Variants in AP3B2 observed in about 807,000 individuals in gnomAD.
The protein encoded by AP3B2 is AP-3 complex subunit beta-2.
In AP3B2, 50 loss-of-function variants were observed where a neutral mutation model predicts 126.9. The observed-to-expected ratio is 0.39, with a 90% CI of 0.31 to 0.50. The LOEUF (loss-of-function observed/expected upper bound fraction) is 0.50. Among genes scored for constraint, AP3B2 ranks in the 20% least tolerant of loss-of-function variants. AP3B2 has a pLI of 0.79. For synonymous variants in AP3B2, 541 were observed against 565.0 expected (o/e 0.96, Z 0.60); for missense variants, 1,177 against 1,426.4 (o/e 0.83, Z 2.82).
chr15:82,697,569 C>G (rs1352506586), intron 1 of AP3B2, among the ~76,000 whole-genome samples: 11 of 152,138 alleles, frequency 7.2e-5, no homozygotes, highest in Admixed American at 6.5e-4. Flanking sequence ...TGCAGAAATG[C>G]GTGAGTACCT....
At chr15:82,679,307 TGAGAC>T (rs1451202980) in intron 10 of AP3B2, among the ~76,000 whole-genome samples, 2 of 152,108 alleles carry the variant, frequency 1.3e-5, no homozygotes, top group Admixed American at 1.3e-4. Context: ...TATTTTTCGT[TGAGAC>T]GAGGTTTTGC....
At chr15:82,685,703 TG>T (rs1342313224) in intron 4 of AP3B2, 1 of 152,202 alleles carries the variant, frequency 6.6e-6, no homozygotes, top group Non-Finnish European at 1.5e-5. Context: ...TCCTTTTTGA[TG>T]GGGTAACTAG....
chr15:82,668,388 G>T (rs2048093549), intron 14 of AP3B2, among the ~76,000 whole-genome samples: 1 of 152,144 alleles, frequency 6.6e-6, no homozygotes, highest in Non-Finnish European at 1.5e-5. Context: ...CCCCTCTCTT[G>T]GCCAGACACC....
chr15:82,688,735 C>G lies in AP3B2; in HGVS notation c.360+1G>C. ...CTGGGAGGCAAACTGAGACCCCTGA[C>G]CTTTAGGCCACGTTGGAAGGTGGAG... is the stretch of plus-strand genomic sequence containing the variant. On this transcript the variant is annotated splice_donor_variant, in intron 4 of 26. Coordinates refer to ENST00000535359, the MANE Select transcript of AP3B2 (RefSeq NM_001278512.2). LOFTEE classifies it high-confidence loss of function. 6.2e-7 allele frequency: 1 copy of G among 1,610,158 alleles called. No individual in the cohort carries two copies. The highest frequency in any genetic ancestry group is 8.5e-7 in the Non-Finnish European group (1 of 1,178,314).
intron 1 of AP3B2, among the ~76,000 whole-genome samples, 154 bp downstream of exon 1, chr15:82,709,440 G>A (rs1458444502): frequency 6.6e-6 from 1 of 150,476 alleles, no homozygotes; most frequent in African/African-American, 2.4e-5. Context: ...CGCTGGGCCG[G>A]GGCTCCAGGC....
At chr15:82,694,838 G>A (rs1440357607) in intron 1 of AP3B2, among the ~76,000 whole-genome samples, 1 of 152,162 alleles carries the variant, frequency 6.6e-6, no homozygotes, top group African/African-American at 2.4e-5. Context: ...GATGATTCTT[G>A]TGATATTGTA....
In AP3B2 at chr15:82,676,490, C is replaced by T. The variant is rs775126490; in HGVS notation, c.1636G>A (p.Ala546Thr). The change falls in exon 14 of 27, where the codon GCC becomes ACC. Residue 546 changes from alanine (A) to threonine (T), a missense_variant. Transcript: ENST00000535359. The stretch of plus-strand genomic sequence containing the variant: ...TTAGAGTTGGTCAGGTAGAGCTTGG[C>T]TGCCAGGTTGATGACCTGCAGCTTG... ...IVKLQVINLA[A>T]KLYLTNSKQT... 4 of 1,613,882 alleles carry T rather than the reference C, an allele frequency of 2.5e-6. No individual in the cohort carries two copies. The African/African-American group carries it at 5.3e-5, about 22-fold the overall frequency.
At chr15:82,702,735 C>G (rs1284558269) in intron 1 of AP3B2, among the ~76,000 whole-genome samples, 1 of 152,178 alleles carries the variant, frequency 6.6e-6, no homozygotes, top group Non-Finnish European at 1.5e-5. Flanking sequence ...ATTGCTCACA[C>G]AAAGCCTGTT....
Position 82,676,557 on chromosome 15 carries a change from T to G in AP3B2, c.1569A>C (p.Leu523Phe). The G allele has an allele frequency of 6.2e-7, 1 of 1,614,016 alleles. No individual in the cohort carries two copies. Residue 523 changes from leucine to phenylalanine, a missense_variant, in exon 14 of 27, where the codon TTA (leucine) becomes TTC (phenylalanine). Physicochemically the swap from Leu to Phe is conservative, Grantham distance 22. This residue lies in a region of AP3B2 where 308 missense variants were observed against 452.4 expected (regional missense o/e 0.68). Transcript: ENST00000535359. ...EHVPRIAPDV[L>F]RKMAKSFTAE... is the part of the protein sequence containing the mutation. ...CTGTGAATGACTTGGCCATTTTTCT[T>G]AAGACATCAGGTGCAATCCTGGGGA...
intron 4 of AP3B2, among the ~76,000 whole-genome samples, chr15:82,682,158 T>C (rs777949841): frequency 4.0e-5 from 6 of 148,760 alleles, no homozygotes; most frequent in Non-Finnish European, 8.9e-5. Flanking sequence ...TTCAAGCGAT[T>C]CTCCTGCCTC....
rs865882781 is a variant in AP3B2, at chr15:82,680,399, G to A, written c.1055+73C>T. On this transcript the variant is annotated intron_variant, in intron 8 of 26. Transcript: ENST00000535359. This position sits in a 1 kb window ranked among gnomAD's most constrained non-coding sequence, Gnocchi z 6.1. ...AGGTGGAAGCGGCTGGTGGGCGTGA[G>A]GGGGCGGAGCCGGGCAGCCCGTGGG... 8.9e-5 allele frequency: 129 copies of A among 1,450,236 alleles called. No individual in the cohort carries two copies. The Middle Eastern group carries it at 1.2e-3, about 14-fold the overall frequency. The allele number at this position is 1,450,236 out of a possible 1,614,324, so 89.8% of individuals were successfully genotyped here. A position where few individuals can be genotyped will look rare whatever the true frequency, so the allele number is the denominator to read the frequency against.
chr15:82,677,912 T>G (rs1411289523), intron 11 of AP3B2, 109 bp from the exon 12 acceptor site: 2 of 1,421,084 alleles, frequency 1.4e-6, no homozygotes, highest in Non-Finnish European at 9.4e-7. Context: ...TGACTAAGAC[T>G]TGGGAAAGGG....
Position 82,665,285 on chromosome 15 carries a change from T to C in AP3B2, c.1990A>G (p.Ile664Val), listed in dbSNP as rs1183897807. Reference protein sequence around the residue: ...RNVEEEDLSLIETHVGLLGEY... With the variant: ...RNVEEEDLSLVETHVGLLGEY... ...CCCAACAGGCCCACGTGAGTCTCAA[T>C]AAGGGAGAGATCTTCTTCCTGTGTG... Residue 664 changes from isoleucine to valine, a missense_variant, in exon 17 of 27, where the codon ATT (isoleucine) becomes GTT (valine). Physicochemically the swap from Ile to Val is conservative, Grantham distance 29. This residue lies in a region of AP3B2 where 587 missense variants were observed against 571.3 expected (regional missense o/e 1.03). Coordinates refer to ENST00000535359, the MANE Select transcript of AP3B2 (RefSeq NM_001278512.2). The surrounding 1 kb of genome is among the most constrained non-coding windows in gnomAD (Gnocchi z 4.4). 4 of 1,550,984 alleles carry C rather than the reference T, an allele frequency of 2.6e-6. No homozygotes were observed. Among genetic ancestry groups the C allele is most frequent in the Non-Finnish European group, 3.5e-6 (4 of 1,155,562 alleles).
chr15:82,689,282 G>T (rs746833152), intron 2 of AP3B2, 50 bp from the exon 3 acceptor site: 1 of 1,612,122 alleles, frequency 6.2e-7, no homozygotes, highest in South Asian at 1.1e-5. Context: ...GAGAGGCACA[G>T]CACTAACTAG....
chr15:82,670,489 C>T (rs1023518653), intron 14 of AP3B2, among the ~76,000 whole-genome samples: 45 of 152,280 alleles, frequency 3.0e-4, no homozygotes, highest in African/African-American at 1.0e-3. Flanking sequence ...GCTGGGAAAA[C>T]GGGATATCCA....
At chr15:82,673,252 T>A (rs2151436044) in intron 14 of AP3B2, among the ~76,000 whole-genome samples, 1 of 152,360 alleles carries the variant, frequency 6.6e-6, no homozygotes, top group South Asian at 2.1e-4. Flanking sequence ...TCTTGCTCTG[T>A]GGCCCAGGCT....
intron 4 of AP3B2, among the ~76,000 whole-genome samples, chr15:82,683,979 A>C (rs2048386472): frequency 6.6e-6 from 1 of 152,202 alleles, no homozygotes; most frequent in South Asian, 2.1e-4. Context: ...AGTAAACCAT[A>C]ACTGCAAACA....
chr15:82,676,410 A>T (rs2048243046), intron 14 of AP3B2, 51 bp downstream of exon 14: 2 of 1,585,884 alleles, frequency 1.3e-6, no homozygotes, highest in African/African-American at 2.7e-5. Context: ...AATACTGTCT[A>T]GGGAGTTTCT....
intron 14 of AP3B2, among the ~76,000 whole-genome samples, chr15:82,672,363 A>G (rs544462710): frequency 6.6e-4 from 100 of 152,344 alleles, no homozygotes; most frequent in African/African-American, 2.3e-3. Context: ...AAGCACAGAA[A>G]AACAAACTTC....
Sources: allele counts gnomAD v4.1 joint callset (sites outside exome capture counted in the v4.1 genomes callset), GRCh38; gene constraint gnomAD v4.1.1; regional missense constraint gnomAD v4.1.1; non-coding constraint Gnocchi (gnomAD v3.1); transcripts MANE v1.5; gene names NCBI Gene and HGNC (gene_info 2026-07-23, HGNC 2026-07-21).